Variants in MTRF1 observed in about 807,000 individuals in gnomAD.
MTRF1 encodes mitochondrial translation release factor 1.
MTRF1 carries 51 observed loss-of-function variants against 62.9 expected under a neutral mutation model. The ratio of observed to expected loss-of-function variants is 0.81; its 90% CI spans 0.65 to 1.02. The LOEUF is 1.02. Among genes scored for constraint, MTRF1 ranks in the 50% least tolerant of loss-of-function variants. The pLI, the probability that MTRF1 is intolerant of heterozygous loss-of-function variation, is 0.00. For synonymous variants in MTRF1, 158 were observed against 181.9 expected (o/e 0.87, Z 1.06); for missense variants, 446 against 530.0 (o/e 0.84, Z 1.56).
At chr13:41,311,272 G>A in the MTRF1 span, 2 of 553,850 alleles carry the variant, frequency 3.6e-6, no homozygotes, top group Non-Finnish European at 6.3e-6. Context: ...ATCTTGCAGT[G>A]CGCGGGAACC....
chr13:41,264,734 G>T (rs2040783599), upstream of MTRF1, among the ~76,000 whole-genome samples: 1 of 152,060 alleles, frequency 6.6e-6, no homozygotes, highest in Non-Finnish European at 1.5e-5. Context: ...GAAAATTAAG[G>T]CACACAGAGC....
At chr13:41,274,960 G>A in the MTRF1 span, among the ~76,000 whole-genome samples, 1 of 152,056 alleles carries the variant, frequency 6.6e-6, no homozygotes, top group Non-Finnish European at 1.5e-5. Context: ...AGAAACGAAA[G>A]ACATCATTTT....
chr13:41,252,860 T>C (rs2039247107), intron 4 of MTRF1, 89 bp downstream of exon 4: 1 of 1,358,858 alleles, frequency 7.4e-7, no homozygotes. Flanking sequence ...TTTAAATACA[T>C]TTAATGGACT....
chr13:41,274,394 A>G, the MTRF1 span, among the ~76,000 whole-genome samples: 5 of 152,210 alleles, frequency 3.3e-5, no homozygotes, highest in Non-Finnish European at 5.9e-5. Context: ...CTGCTAAAGC[A>G]TATTTTTAAA....
the MTRF1 span, among the ~76,000 whole-genome samples, chr13:41,276,663 G>A: frequency 3.3e-5 from 5 of 152,094 alleles, no homozygotes; most frequent in African/African-American, 1.2e-4. Flanking sequence ...GCTAGCTTTG[G>A]AAGACATTTA....
the MTRF1 span, among the ~76,000 whole-genome samples, chr13:41,298,018 A>G: frequency 6.6e-6 from 1 of 152,232 alleles, no homozygotes; most frequent in Non-Finnish European, 1.5e-5. Context: ...AATTCTAAAT[A>G]CATTTTCCCT....
At chr13:41,276,759 A>G in the MTRF1 span, among the ~76,000 whole-genome samples, 637 of 152,246 alleles carry the variant, frequency 4.2e-3, 2 homozygotes, top group African/African-American at 0.014. Flanking sequence ...GGGGGAGGAG[A>G]GGAGCCTGAA....
At chr13:41,311,564 C>T in the MTRF1 span, 17 of 1,608,630 alleles carry the variant, frequency 1.1e-5, no homozygotes, top group African/African-American at 8.0e-5. Context: ...AGGAGAGCAA[C>T]CTCTTCAAAC....
chr13:41,237,794 C>T (rs1476806210), intron 6 of MTRF1, among the ~76,000 whole-genome samples: 1 of 152,188 alleles, frequency 6.6e-6, no homozygotes, highest in Non-Finnish European at 1.5e-5. Flanking sequence ...GCCACCACAC[C>T]CAGCCTGACT....
chr13:41,230,397 T>G (rs777089855), intron 7 of MTRF1, among the ~76,000 whole-genome samples: 2 of 151,624 alleles, frequency 1.3e-5, no homozygotes, highest in Non-Finnish European at 2.9e-5. Context: ...CCCGAGGAGC[T>G]GGGATTACAT....
At chr13:41,254,177 T>C (rs2039421284) in intron 3 of MTRF1, among the ~76,000 whole-genome samples, 1 of 152,152 alleles carries the variant, frequency 6.6e-6, no homozygotes, top group African/African-American at 2.4e-5. Flanking sequence ...AAATTTCCAA[T>C]CCTTAATTAA....
At chr13:41,302,383 G>T in the MTRF1 span, among the ~76,000 whole-genome samples, 19 of 146,322 alleles carry the variant, frequency 1.3e-4, no homozygotes, top group Non-Finnish European at 2.3e-4. Context: ...CAGGAAGGTG[G>T]GAGAAGTGGC....
chr13:41,261,747 TTG>T, intron 1 of MTRF1: 4 of 975,030 alleles, frequency 4.1e-6, no homozygotes, highest in Non-Finnish European at 4.9e-6. Flanking sequence ...AGAATGTAAG[TTG>T]CCTGTTCAGG....
At chr13:41,265,421 C>CA (rs75587601), upstream of MTRF1, among the ~76,000 whole-genome samples, 149 of 127,464 alleles carry the variant, frequency 1.2e-3, no homozygotes, top group East Asian at 1.8e-3. Context: ...AACTCCGTCT[C>CA]AAAAAAAAAA....
At chr13:41,245,212 A>C (rs1350358856) in intron 5 of MTRF1, among the ~76,000 whole-genome samples, 2 of 149,322 alleles carry the variant, frequency 1.3e-5, no homozygotes, top group African/African-American at 4.9e-5. Flanking sequence ...TTTCATTTCT[A>C]ATCCTGATTT....
intron 6 of MTRF1, among the ~76,000 whole-genome samples, chr13:41,238,429 T>A (rs941079732): frequency 1.3e-5 from 2 of 152,236 alleles, no homozygotes; most frequent in Middle Eastern, 3.2e-3. Context: ...TGAAACTTGA[T>A]ACATGAGTTT....
chr13:41,286,085 C>CA, the MTRF1 span, among the ~76,000 whole-genome samples: 6,224 of 41,296 alleles, frequency 0.15, 470 homozygotes, highest in African/African-American at 0.31. Flanking sequence ...ACAACAACAA[C>CA]AACAAAAAAA....
the MTRF1 span, among the ~76,000 whole-genome samples, chr13:41,272,752 C>T: frequency 5.9e-5 from 9 of 152,008 alleles, no homozygotes; most frequent in Admixed American, 1.3e-4. Context: ...CTGCTGGGTG[C>T]GAGTTCAAAC....
At chr13:41,240,688 T>A (rs2037372870) in intron 5 of MTRF1, among the ~76,000 whole-genome samples, 1 of 152,190 alleles carries the variant, frequency 6.6e-6, no homozygotes, top group Non-Finnish European at 1.5e-5. Context: ...TAGGAGCTAG[T>A]GATGCAACAA....
Sources: gnomAD v4.1 joint callset for allele counts (sites outside exome capture counted in the v4.1 genomes callset) on GRCh38, gnomAD v4.1.1 for gene constraint, MANE v1.5 for transcripts, NCBI Gene and HGNC (gene_info 2026-07-23, HGNC 2026-07-21) for gene names.